MTHFD2L: variants seen among roughly 807,000 people sequenced by gnomAD.
MTHFD2L encodes the protein methylenetetrahydrofolate dehydrogenase (NADP+ dependent) 2 like.
MTHFD2L carries 29 observed loss-of-function variants against 34.9 expected under a neutral mutation model. That is an observed-to-expected ratio of 0.83 (90% CI 0.62 to 1.13). The LOEUF (loss-of-function observed/expected upper bound fraction) is 1.13, where lower values mean the gene tolerates loss of function less well. MTHFD2L is among the 50% of genes most tolerant of loss of function. MTHFD2L has a pLI of 0.00. For synonymous variants in MTHFD2L, 167 were observed against 155.7 expected (o/e 1.07, Z -0.54); for missense variants, 481 against 446.5 (o/e 1.08, Z -0.70).
upstream of MTHFD2L, among the ~76,000 whole-genome samples, chr4:74,120,853 C>G (rs1314912445): frequency 6.6e-6 from 1 of 152,116 alleles, no homozygotes; most frequent in Non-Finnish European, 1.5e-5. Flanking sequence ...AAACAGACAC[C>G]ACTGGCAGCA....
intron 7 of MTHFD2L, among the ~76,000 whole-genome samples, chr4:74,290,876 A>G (rs1198578514): frequency 6.6e-6 from 1 of 151,540 alleles, no homozygotes; most frequent in Admixed American, 6.6e-5. Flanking sequence ...CTCTCCTTAC[A>G]GGTTTAATTT....
At chr4:74,209,793 T>A (rs368350507) in intron 5 of MTHFD2L, among the ~76,000 whole-genome samples, 67 of 152,340 alleles carry the variant, frequency 4.4e-4, no homozygotes, top group African/African-American at 1.3e-3. Flanking sequence ...ATGGTTGAAC[T>A]AATTTACACT....
At chr4:74,274,660 A>C (rs1442047419) in intron 6 of MTHFD2L, among the ~76,000 whole-genome samples, 1 of 152,170 alleles carries the variant, frequency 6.6e-6, no homozygotes, top group Non-Finnish European at 1.5e-5. Flanking sequence ...CATGGGTGAG[A>C]ACTGCATTGA....
chr4:74,173,897 T>A (rs530971138), intron 1 of MTHFD2L, among the ~76,000 whole-genome samples: 2 of 152,328 alleles, frequency 1.3e-5, no homozygotes, highest in Admixed American at 1.3e-4. Flanking sequence ...ATGTGAAAGT[T>A]GTGAAGAAAT....
chr4:74,255,742 C>T (rs992489524), intron 6 of MTHFD2L, among the ~76,000 whole-genome samples: 2 of 152,110 alleles, frequency 1.3e-5, no homozygotes, highest in Non-Finnish European at 2.9e-5. Flanking sequence ...TAAATAAGAA[C>T]ATGTGGTATT....
At chr4:74,186,173 A>G (rs1161946960) in intron 3 of MTHFD2L, among the ~76,000 whole-genome samples, 3 of 152,100 alleles carry the variant, frequency 2.0e-5, no homozygotes, top group Non-Finnish European at 4.4e-5. Flanking sequence ...GATAAATTTC[A>G]TCATTAATTC....
At chr4:74,206,435 C>T (rs1297165177) in intron 5 of MTHFD2L, among the ~76,000 whole-genome samples, 1 of 152,038 alleles carries the variant, frequency 6.6e-6, no homozygotes, top group African/African-American at 2.4e-5. Flanking sequence ...TCAAGATTAG[C>T]TCCTGGAACT....
At chr4:74,245,926 C>T (rs1257777674) in intron 6 of MTHFD2L, among the ~76,000 whole-genome samples, 6 of 149,628 alleles carry the variant, frequency 4.0e-5, no homozygotes, top group Non-Finnish European at 5.9e-5. Flanking sequence ...TGAATAGTGC[C>T]GCAATAAACA....
intron 6 of MTHFD2L, among the ~76,000 whole-genome samples, chr4:74,260,878 G>T (rs1263777807): frequency 6.6e-6 from 1 of 150,600 alleles, no homozygotes; most frequent in African/African-American, 2.4e-5. Flanking sequence ...GCAGAAAAAA[G>T]CAGTTATTAA....
Position 74,225,385 on chromosome 4 carries a change from G to C in MTHFD2L, c.796G>C (p.Val266Leu). Residue 266 changes from valine to leucine, a missense_variant, in exon 6 of 8, where the codon GTT (valine) becomes CTT (leucine). Physicochemically the swap from Val to Leu is conservative, Grantham distance 32. Transcript: ENST00000325278. ...IHTQLADIII[V>L]AAGIPKLITS... ...TACGCAGCTGGCAGATATTATCATA[G>C]TTGCTGCAGGTAAGTCCTTAGTGAC... is the stretch of plus-strand genomic sequence containing the variant. The C allele has an allele frequency of 6.2e-7, 1 of 1,612,542 alleles. No individual in the cohort carries two copies. The highest frequency in any genetic ancestry group is 1.1e-5 in the South Asian group (1 of 90,990).
At chr4:74,278,772 C>T (rs562263566) in intron 6 of MTHFD2L, among the ~76,000 whole-genome samples, 16 of 152,118 alleles carry the variant, frequency 1.1e-4, no homozygotes, top group South Asian at 4.2e-4. Context: ...TCAGTCCCAC[C>T]GCTGGCCTAG....
chr4:74,123,301 C>T (rs1226073690), upstream of MTHFD2L: 1 of 152,196 alleles, frequency 6.6e-6, no homozygotes, highest in East Asian at 1.9e-4. Context: ...CAGCTAAGCA[C>T]TCCAGTGTCT....
chr4:74,221,404 CTA>C (rs1277138036), intron 5 of MTHFD2L, among the ~76,000 whole-genome samples: 1 of 151,560 alleles, frequency 6.6e-6, no homozygotes. Context: ...TATTTTGTTT[CTA>C]TATATATCTC....
chr4:74,191,629 C>A (rs1018585017), intron 3 of MTHFD2L, among the ~76,000 whole-genome samples: 2 of 152,122 alleles, frequency 1.3e-5, no homozygotes, highest in Admixed American at 1.3e-4. Flanking sequence ...CAGCTCACTG[C>A]AACCTTCGCT....
chr4:74,139,653 T>C (rs1723159592), intron 1 of MTHFD2L, among the ~76,000 whole-genome samples: 2 of 152,130 alleles, frequency 1.3e-5, no homozygotes, highest in South Asian at 2.1e-4. Flanking sequence ...TACTGTCTGC[T>C]CAAAGTTTTT....
intron 6 of MTHFD2L, among the ~76,000 whole-genome samples, chr4:74,252,319 G>A (rs950520775): frequency 7.3e-5 from 11 of 151,364 alleles, no homozygotes; most frequent in African/African-American, 2.4e-4. Context: ...GCAAACTTAC[G>A]GCAAGAGACC....
chr4:74,169,635 A>G (rs1417185276), intron 1 of MTHFD2L, among the ~76,000 whole-genome samples: 1 of 152,212 alleles, frequency 6.6e-6, no homozygotes, highest in Admixed American at 6.5e-5. Context: ...AAATTGATTT[A>G]TGGAAAGTTT....
At chr4:74,123,082 T>A (rs898530516), upstream of MTHFD2L, among the ~76,000 whole-genome samples, 59 of 152,174 alleles carry the variant, frequency 3.9e-4, no homozygotes, top group African/African-American at 1.4e-3. Flanking sequence ...TTATATTAAA[T>A]CAGGTTAAAT....
intron 5 of MTHFD2L, among the ~76,000 whole-genome samples, chr4:74,205,349 T>C (rs1735107943): frequency 6.6e-6 from 1 of 152,204 alleles, no homozygotes. Context: ...GGCAAATGCA[T>C]ATCTATAGAA....
Sources: allele counts gnomAD v4.1 joint callset (sites outside exome capture counted in the v4.1 genomes callset), GRCh38; gene constraint gnomAD v4.1.1; transcripts MANE v1.5; gene names NCBI Gene and HGNC (gene_info 2026-07-23, HGNC 2026-07-21).